The following TRPM3 variants were observed in gnomAD, a reference collection of about 807,000 sequenced individuals.
The protein encoded by TRPM3 is transient receptor potential cation channel subfamily M member 3.
A neutral mutation model predicts 181.2 loss-of-function variants in TRPM3; 77 were observed. The ratio of observed to expected loss-of-function variants is 0.42; its 90% CI spans 0.35 to 0.51. The LOEUF (loss-of-function observed/expected upper bound fraction) is 0.51, where lower values mean the gene tolerates loss of function less well. Among genes scored for constraint, TRPM3 ranks in the 20% least tolerant of loss-of-function variants. TRPM3 has a pLI of 0.01. For missense variants in TRPM3, 1,759 were observed against 2,196.7 expected (o/e 0.80, Z 3.98); for synonymous variants, 745 against 796.4 (o/e 0.94, Z 1.09).
chr9:71,013,014 C>T (rs1261900950), intron 1 of TRPM3, among the ~76,000 whole-genome samples: 1 of 152,082 alleles, frequency 6.6e-6, no homozygotes, highest in Admixed American at 6.5e-5. Context: ...TGGAGACACA[C>T]ATACACAGAT....
intron 1 of TRPM3, among the ~76,000 whole-genome samples, chr9:70,937,056 G>A (rs951663280): frequency 6.6e-6 from 1 of 152,182 alleles, no homozygotes; most frequent in Non-Finnish European, 1.5e-5. Flanking sequence ...AAAGTGCCAT[G>A]AGCTGAAAAT....
chr9:71,227,324 C>CA (rs1216272092), intron 1 of TRPM3, among the ~76,000 whole-genome samples: 14 of 151,796 alleles, frequency 9.2e-5, no homozygotes, highest in African/African-American at 3.1e-4. Flanking sequence ...GCCACACATA[C>CA]AAAACCTATG....
chr9:71,259,745 GT>G (rs943493404), intron 1 of TRPM3, among the ~76,000 whole-genome samples: 1 of 151,902 alleles, frequency 6.6e-6, no homozygotes, highest in African/African-American at 2.4e-5. Flanking sequence ...GGGGTTGTTT[GT>G]TTTTTGTAAG....
intron 1 of TRPM3, among the ~76,000 whole-genome samples, chr9:71,425,634 T>C (rs2093849893): frequency 6.6e-6 from 1 of 152,254 alleles, no homozygotes; most frequent in African/African-American, 2.4e-5. Flanking sequence ...TCACTTCTTT[T>C]CTTTTGCCTT....
intron 1 of TRPM3, among the ~76,000 whole-genome samples, chr9:71,056,199 A>G (rs1251083930): frequency 6.6e-6 from 1 of 152,032 alleles, no homozygotes. Flanking sequence ...GAGGAAGAAT[A>G]TATTAATATT....
chr9:71,389,319 A>G (rs1565524531), intron 1 of TRPM3, among the ~76,000 whole-genome samples: 1 of 152,032 alleles, frequency 6.6e-6, no homozygotes, highest in Non-Finnish European at 1.5e-5. Flanking sequence ...TAATTAAAAA[A>G]AAAAATCAAA....
intron 1 of TRPM3, among the ~76,000 whole-genome samples, chr9:71,413,127 CA>C (rs1028863375): frequency 7.1e-4 from 108 of 152,100 alleles, no homozygotes; most frequent in African/African-American, 2.5e-3. Flanking sequence ...CGGATAGCAT[CA>C]GGAGAAATAC....
intron 1 of TRPM3, among the ~76,000 whole-genome samples, chr9:70,876,001 A>G (rs928009479): frequency 6.6e-6 from 1 of 151,916 alleles, no homozygotes; most frequent in African/African-American, 2.4e-5. Flanking sequence ...GTTCAGAATT[A>G]TGCAGATTTA....
intron 1 of TRPM3, among the ~76,000 whole-genome samples, chr9:71,437,595 G>A (rs1027233240): frequency 2.0e-5 from 3 of 152,104 alleles, no homozygotes; most frequent in Non-Finnish European, 4.4e-5. Flanking sequence ...CACCAGCCGG[G>A]CGTGGGGGCT....
chr9:71,127,042 C>T (rs1005036428), intron 1 of TRPM3, among the ~76,000 whole-genome samples: 11 of 148,200 alleles, frequency 7.4e-5, no homozygotes, highest in South Asian at 2.2e-4. Context: ...TCATTCTTCA[C>T]GTGATGGCAT....
intron 1 of TRPM3, among the ~76,000 whole-genome samples, chr9:71,153,547 T>G (rs1369219035): frequency 6.6e-6 from 1 of 152,050 alleles, no homozygotes; most frequent in East Asian, 1.9e-4. Flanking sequence ...CCTCCCAAAG[T>G]GCTGGGATTA....
intron 1 of TRPM3, among the ~76,000 whole-genome samples, chr9:71,252,054 A>T (rs954413176): frequency 6.6e-6 from 1 of 152,188 alleles, no homozygotes; most frequent in Non-Finnish European, 1.5e-5. Flanking sequence ...TTTATGGCTG[A>T]ATAGTATTCC....
chr9:70,817,930 C>T (rs773860518), intron 6 of TRPM3, among the ~76,000 whole-genome samples: 14 of 151,874 alleles, frequency 9.2e-5, no homozygotes, highest in Non-Finnish European at 1.9e-4. Context: ...ATCATGTTGA[C>T]GTTACTAAAA....
intron 1 of TRPM3, among the ~76,000 whole-genome samples, chr9:71,361,694 T>C (rs2092152191): frequency 6.6e-6 from 1 of 152,184 alleles, no homozygotes; most frequent in African/African-American, 2.4e-5. Context: ...TGGAGCAACT[T>C]CTGGTGTTAA....
rs71367234 is a variant in TRPM3, at chr9:70,864,525, C to CAAAAAAAAAAAAAAAAAGAAAA, written c.178-15_178-14insTTTTCTTTTTTTTTTTTTTTTT. On this transcript the variant is annotated splice_polypyrimidine_tract_variant and intron_variant, in intron 1 of 25. Transcript: ENST00000677713. Reference sequence around the variant, plus strand: ...GGATTTCTGAGCCTGAAAAAGAAAACAAAAAAAAAAAAAAAAGAAAAAAGA... The same window carrying CAAAAAAAAAAAAAAAAAGAAAA: ...GGATTTCTGAGCCTGAAAAAGAAAACAAAAAAAAAAAAAAAAAGAAAAAAAAAAAAAAAAAAAAGAAAAAAGA... The CAAAAAAAAAAAAAAAAAGAAAA allele has an allele frequency of 1.3e-6, 1 of 798,322 alleles. No homozygotes were observed. 49.5% of individuals were successfully genotyped at this position (798,322 alleles called of 1,614,324 possible).
At chr9:71,136,205 G>A (rs902369637) in intron 1 of TRPM3, among the ~76,000 whole-genome samples, 2 of 152,162 alleles carry the variant, frequency 1.3e-5, no homozygotes, top group African/African-American at 4.8e-5. Flanking sequence ...AGATCCAACT[G>A]GGTATTCAAC....
chr9:70,674,712 A>T (rs2063648565), intron 9 of TRPM3, among the ~76,000 whole-genome samples: 1 of 143,282 alleles, frequency 7.0e-6, no homozygotes, highest in African/African-American at 2.6e-5. Flanking sequence ...TGCATATGCC[A>T]CTATTCAGGC....
intron 1 of TRPM3, among the ~76,000 whole-genome samples, chr9:70,934,780 T>C (rs2096809622): frequency 6.6e-6 from 1 of 152,144 alleles, no homozygotes; most frequent in South Asian, 2.1e-4. Flanking sequence ...TGAGAAGGTG[T>C]ACAGTTGAGG....
At position 71,411,985 on chromosome 9, in the gene TRPM3, C is replaced by G. The variant is rs868303990; in HGVS notation, c.183+34668G>C. ...TGATCTTTGACAAATCTGATGAAAA[C>G]AAGAAATGGGGAAAGGATTACCTAT... On this transcript the variant is annotated intron_variant, in intron 1 of 24. Transcript: ENST00000357533. Among the ~76,000 whole-genome samples, 4 of 152,174 alleles carry G rather than the reference C, an allele frequency of 2.6e-5. No individual in the cohort carries two copies. The East Asian group carries it at 5.8e-4, about 22-fold the overall frequency.
Sources: gnomAD v4.1 joint callset for allele counts (sites outside exome capture counted in the v4.1 genomes callset) on GRCh38, gnomAD v4.1.1 for gene constraint, MANE v1.5 for transcripts, NCBI Gene and HGNC (gene_info 2026-07-23, HGNC 2026-07-21) for gene names.